The following NCALD variants were observed in gnomAD, a reference collection of about 807,000 sequenced individuals.
NCALD encodes neurocalcin-delta.
In NCALD, 10 loss-of-function variants were observed where a neutral mutation model predicts 18.6. The observed-to-expected ratio is 0.54, with a 90% CI of 0.33 to 0.91. NCALD has a LOEUF of 0.91. Among genes scored for constraint, NCALD ranks in the 40% least tolerant of loss-of-function variants. NCALD has a pLI of 0.03. For missense variants in NCALD, 184 were observed against 247.6 expected (o/e 0.74, Z 1.72); for synonymous variants, 88 against 87.4 (o/e 1.01, Z -0.04).
intron 4 of NCALD, among the ~76,000 whole-genome samples, chr8:101,831,279 G>T (rs984341248): frequency 6.6e-6 from 1 of 152,144 alleles, no homozygotes; most frequent in African/African-American, 2.4e-5. Context: ...TCCTAAGGTT[G>T]CCATGAGGAT....
chr8:101,908,604 C>A (rs1011790566), intron 3 of NCALD, among the ~76,000 whole-genome samples: 3 of 152,256 alleles, frequency 2.0e-5, no homozygotes, highest in African/African-American at 7.2e-5. Flanking sequence ...CAATAAAACT[C>A]CTGCATCTTC....
At chr8:101,958,183 T>A (rs1405969305) in intron 2 of NCALD, among the ~76,000 whole-genome samples, 1 of 152,100 alleles carries the variant, frequency 6.6e-6, no homozygotes. Context: ...AATTCTAAAT[T>A]CAGAGAAATT....
At chr8:101,947,490 C>T (rs1036946162) in intron 2 of NCALD, among the ~76,000 whole-genome samples, 7 of 152,080 alleles carry the variant, frequency 4.6e-5, no homozygotes, top group Middle Eastern at 6.8e-3. Flanking sequence ...TTTCTGTTCC[C>T]TAATTTAAAA....
At chr8:101,754,353 G>C (rs1390171280) in intron 1 of NCALD, among the ~76,000 whole-genome samples, 1 of 152,094 alleles carries the variant, frequency 6.6e-6, no homozygotes, top group East Asian at 1.9e-4. Context: ...GTCTATTGGT[G>C]CTGCTATAAC....
chr8:101,780,692 A>G (rs1054556294), intron 1 of NCALD, among the ~76,000 whole-genome samples: 1 of 152,180 alleles, frequency 6.6e-6, no homozygotes, highest in African/African-American at 2.4e-5. Flanking sequence ...ACTGAAACGT[A>G]CACATAAAGA....
At chr8:101,939,706 G>A (rs771923223) in intron 2 of NCALD, among the ~76,000 whole-genome samples, 10 of 152,182 alleles carry the variant, frequency 6.6e-5, no homozygotes, top group Non-Finnish European at 1.5e-4. Context: ...TCAGTGTACT[G>A]ATCAACTTAT....
rs929600990 is a variant in NCALD, at chr8:101,742,767, A to G, written c.-19-23119T>C. On this transcript the variant is annotated intron_variant, in intron 1 of 3. Transcript: ENST00000220931. Reference sequence around the variant, plus strand: ...GGTGGTCTGCTGTGCCTGTCAACCTATTGCCTAGGTATTAAGCCCTGCATG... The same window carrying G: ...GGTGGTCTGCTGTGCCTGTCAACCTGTTGCCTAGGTATTAAGCCCTGCATG... Among the ~76,000 whole-genome samples, 4 of 152,084 alleles carry G rather than the reference A, an allele frequency of 2.6e-5. No homozygotes were observed. The East Asian group carries it at 7.7e-4, about 29-fold the overall frequency.
At chr8:101,816,980 A>G (rs992152996) in intron 4 of NCALD, among the ~76,000 whole-genome samples, 2 of 152,116 alleles carry the variant, frequency 1.3e-5, no homozygotes, top group African/African-American at 4.8e-5. Flanking sequence ...TTAAAAAAAA[A>G]ACGAAATCAG....
chr8:101,993,004 C>T (rs950555843), intron 2 of NCALD, among the ~76,000 whole-genome samples: 3 of 146,910 alleles, frequency 2.0e-5, no homozygotes, highest in Admixed American at 6.9e-5. Flanking sequence ...GCCGAGGAAC[C>T]AGGATTCAGA....
At chr8:101,936,106 G>A (rs772802110) in intron 2 of NCALD, among the ~76,000 whole-genome samples, 1 of 152,178 alleles carries the variant, frequency 6.6e-6, no homozygotes, top group African/African-American at 2.4e-5. Context: ...GCCATCAGCT[G>A]AGAGTGAGGA....
intron 1 of NCALD, among the ~76,000 whole-genome samples, chr8:101,729,802 G>T (rs556181700): frequency 2.6e-5 from 4 of 152,144 alleles, no homozygotes; most frequent in Admixed American, 2.0e-4. Context: ...GGCTGAAAGG[G>T]GCCTGGCCTG....
intron 1 of NCALD, among the ~76,000 whole-genome samples, chr8:102,060,020 G>A (rs979707530): frequency 2.6e-5 from 4 of 152,080 alleles, no homozygotes; most frequent in Middle Eastern, 3.2e-3. Context: ...TCACTCTGTC[G>A]CCCAGGCTGG....
At chr8:101,845,279 C>T (rs186331998) in intron 4 of NCALD, among the ~76,000 whole-genome samples, 33 of 152,254 alleles carry the variant, frequency 2.2e-4, no homozygotes, top group Non-Finnish European at 3.7e-4. Context: ...CATTGCAGAC[C>T]AGTAACAAAG....
chr8:102,048,861 T>C (rs1367502414), intron 1 of NCALD, among the ~76,000 whole-genome samples: 1 of 152,208 alleles, frequency 6.6e-6, no homozygotes, highest in Non-Finnish European at 1.5e-5. Flanking sequence ...TAGTTGCCTC[T>C]TACCCTTCAG....
rs575765607 is a variant in NCALD, at chr8:102,080,510, G to A, written c.-210+43727C>T. On this transcript the variant is annotated intron_variant, in intron 1 of 6. Transcript: ENST00000311028. ...TCAGAGCTGGTCATAGAACTTCAGG[G>A]GACCTCAACCCTATGGGATTAACAT... Among the ~76,000 whole-genome samples the A allele has an allele frequency of 2.0e-5, 3 of 152,310 alleles. No homozygotes were observed. In the South Asian group the frequency reaches 6.2e-4, roughly 32 times the overall value.
chr8:101,982,913 C>G (rs1820676518), intron 2 of NCALD, among the ~76,000 whole-genome samples: 1 of 151,934 alleles, frequency 6.6e-6, no homozygotes, highest in African/African-American at 2.4e-5. Context: ...AATTAGCATA[C>G]ACTGGAAACT....
At chr8:101,768,723 C>CAAAAAAAAAAA (rs71268528) in intron 1 of NCALD, among the ~76,000 whole-genome samples, 1 of 136,858 alleles carries the variant, frequency 7.3e-6, no homozygotes, top group Non-Finnish European at 1.6e-5. Context: ...AACAAAAAAA[C>CAAAAAAAAAAA]AAAAAAAAAA....
At chr8:101,804,353 T>C (rs1420266174) in intron 4 of NCALD, among the ~76,000 whole-genome samples, 1 of 129,532 alleles carries the variant, frequency 7.7e-6, no homozygotes, top group Non-Finnish European at 1.6e-5. Context: ...ATATTATATA[T>C]AATTATATCA....
At chr8:102,050,724 T>A (rs1362926937) in intron 1 of NCALD, among the ~76,000 whole-genome samples, 1 of 147,306 alleles carries the variant, frequency 6.8e-6, no homozygotes, top group Non-Finnish European at 1.5e-5. Flanking sequence ...TTTTTGTATA[T>A]ATTTATATAT....
Sources: gnomAD v4.1 joint callset for allele counts (sites outside exome capture counted in the v4.1 genomes callset) on GRCh38, gnomAD v4.1.1 for gene constraint, MANE v1.5 for transcripts, NCBI Gene and HGNC (gene_info 2026-07-23, HGNC 2026-07-21) for gene names.